RHPN2: variants seen among roughly 807,000 people sequenced by gnomAD.
RHPN2 encodes rhophilin Rho GTPase binding protein 2.
RHPN2 carries 40 observed loss-of-function variants against 79.0 expected under a neutral mutation model. The observed-to-expected ratio is 0.51, with a 90% CI of 0.39 to 0.66. The LOEUF is 0.66. Among genes scored for constraint, RHPN2 ranks in the 30% least tolerant of loss-of-function variants. The pLI, the probability that RHPN2 is intolerant of heterozygous loss-of-function variation, is 0.00. For synonymous variants in RHPN2, 285 were observed against 363.5 expected, an observed-to-expected ratio of 0.78 and a Z score of 2.46; for missense variants, 686 against 883.5, an observed-to-expected ratio of 0.78 and a Z score of 2.83.
At chr19:32,995,274 A>C (rs76148976) in intron 11 of RHPN2, among the ~76,000 whole-genome samples, 5,591 of 151,662 alleles carry the variant, frequency 0.037, 535 homozygotes, top group East Asian at 0.29. Context: ...ATGGGGTCTC[A>C]CTATGTTGCC....
At chr19:33,042,599 C>T (rs947899372) in intron 2 of RHPN2, among the ~76,000 whole-genome samples, 3 of 152,176 alleles carry the variant, frequency 2.0e-5, no homozygotes, top group Non-Finnish European at 4.4e-5. Flanking sequence ...ACAAACTTCC[C>T]ACCCAGGACC....
chr19:32,995,674 C>G (rs752011753), intron 11 of RHPN2, among the ~76,000 whole-genome samples: 28 of 152,066 alleles, frequency 1.8e-4, no homozygotes, highest in Non-Finnish European at 3.4e-4. Context: ...GCCTGGCCAA[C>G]ATGGTGAAAC....
intron 4 of RHPN2, among the ~76,000 whole-genome samples, chr19:33,019,029 C>T (rs1394278432): frequency 1.2e-5 from 1 of 83,044 alleles, no homozygotes; most frequent in East Asian, 4.1e-4. Context: ...GAAACTCCAG[C>T]TCAAAAAAAA....
chr19:33,032,808 G>GT (rs1228348297), intron 2 of RHPN2, among the ~76,000 whole-genome samples: 1 of 152,122 alleles, frequency 6.6e-6, no homozygotes, highest in African/African-American at 2.4e-5. Flanking sequence ...GATTCCTTTT[G>GT]TCTAGTGAAT....
At chr19:32,994,283 T>C (rs1476921938) in intron 11 of RHPN2, among the ~76,000 whole-genome samples, 1 of 151,520 alleles carries the variant, frequency 6.6e-6, no homozygotes, top group East Asian at 1.9e-4. Flanking sequence ...GTAATCCGAG[T>C]TACTTGGGAG....
chr19:32,983,629 C>CTTTTT (rs558224234), intron 14 of RHPN2, among the ~76,000 whole-genome samples: 1 of 126,930 alleles, frequency 7.9e-6, no homozygotes, highest in African/African-American at 3.1e-5. Context: ...TTTTAAAAGC[C>CTTTTT]TTTTTTTTTT....
Position 32,980,249 on chromosome 19 carries a change from T to A in RHPN2, c.1808A>T (p.Lys603Met), listed in dbSNP as rs771185066. The A allele has an allele frequency of 6.2e-7, 1 of 1,613,902 alleles. No individual in the cohort carries two copies. The highest frequency in any genetic ancestry group is 8.5e-7 in the Non-Finnish European group (1 of 1,179,842). ...CATTCCCACGGAGTATGTGGCACTC[T>A]TATTATGCTGCACATAGAAAAGTAA... ...LLDSTSSMHN[K>M]SATYSVGMQK... The change falls in exon 15 of 15, where the codon AAG becomes ATG. Residue 603 changes from lysine (K) to methionine (M), a missense_variant. Lys to Met is a moderately conservative substitution (Grantham distance 95). Transcript: ENST00000254260.
At chr19:33,027,763 ATGG>A (rs1470208619) in intron 2 of RHPN2, among the ~76,000 whole-genome samples, 1 of 152,132 alleles carries the variant, frequency 6.6e-6, no homozygotes, top group Non-Finnish European at 1.5e-5. Context: ...AAAAAAACAC[ATGG>A]TGACTTCAAC....
At chr19:33,037,960 T>A (rs1972071844) in intron 2 of RHPN2, among the ~76,000 whole-genome samples, 1 of 152,066 alleles carries the variant, frequency 6.6e-6, no homozygotes, top group Non-Finnish European at 1.5e-5. Flanking sequence ...CGCAGCACTC[T>A]GGGAGGCCTA....
rs1418353954 is a variant in RHPN2, at chr19:33,018,014, C to T, written c.390+3557G>A. 5.3e-5 allele frequency among the ~76,000 whole-genome samples: 8 copies of T among 152,084 alleles called. No homozygotes were observed. In the East Asian group the frequency reaches 1.2e-3, roughly 22 times the overall value. ...ACTAAAAATACAAAAATTAGCCGGG[C>T]GTGGTAGTGGGTGCCTGAAACCCCA... is the stretch of plus-strand genomic sequence containing the variant. On this transcript the variant is annotated intron_variant, in intron 4 of 14. Transcript: ENST00000254260.
rs918884736 is a variant in RHPN2, at chr19:33,064,844, G to A, written c.9C>T (p.Asp3=). Residue 3 remains aspartate (D), a synonymous_variant, in exon 1 of 15, where the codon GAC becomes GAT. Coordinates refer to ENST00000254260, the MANE Select transcript of RHPN2 (RefSeq NM_033103.5). ...GCTGGGGGGCCGCGGGCAACAGCGC[G>A]TCGGTCATGCTAGCGGCGCGGGCGC... The part of the protein sequence containing the change: MT[D]ALLPAAPQPL... 1.0e-4 allele frequency: 150 copies of A among 1,444,426 alleles called. No individual in the cohort carries two copies. The highest frequency in any genetic ancestry group is 1.3e-4 in the Non-Finnish European group (143 of 1,092,994). The allele number at this position is 1,444,426 out of a possible 1,614,324, so 89.5% of individuals were successfully genotyped here.
At chr19:33,035,259 A>C (rs962246637) in intron 2 of RHPN2, among the ~76,000 whole-genome samples, 1 of 151,970 alleles carries the variant, frequency 6.6e-6, no homozygotes. Context: ...GAGCCACCAC[A>C]CCCAGCCAAT....
chr19:33,050,527 C>G (rs1222480193), intron 1 of RHPN2, among the ~76,000 whole-genome samples: 1 of 152,180 alleles, frequency 6.6e-6, no homozygotes, highest in Non-Finnish European at 1.5e-5. Flanking sequence ...CCCCAGGCAA[C>G]CAATACTCTG....
At position 33,002,860 on chromosome 19, in the gene RHPN2, G is replaced by A. The variant is rs780839982; in HGVS notation, c.901C>T (p.Arg301Trp). The A allele has an allele frequency of 6.8e-6, 11 of 1,613,768 alleles. No homozygotes were observed. Among genetic ancestry groups the A allele is most frequent in the Admixed American group, 6.7e-5 (4 of 59,952 alleles). ...VFEKISLPGIRNEFFMLVKVA... is the reference protein window; with the variant it reads ...VFEKISLPGIWNEFFMLVKVA... Reference sequence around the variant, plus strand: ...TTCACCAGCATGAAGAATTCATTCCGGATCCCAGGAAGGCTGATTTTCTCA... The same window carrying A: ...TTCACCAGCATGAAGAATTCATTCCAGATCCCAGGAAGGCTGATTTTCTCA... The change falls in exon 8 of 15, where the codon CGG (arginine) becomes TGG (tryptophan). Residue 301 changes from arginine to tryptophan, a missense_variant. Coordinates refer to ENST00000254260, the MANE Select transcript of RHPN2 (RefSeq NM_033103.5).
chr19:32,993,541 C>G (rs1260743879), intron 12 of RHPN2, among the ~76,000 whole-genome samples: 1 of 151,746 alleles, frequency 6.6e-6, no homozygotes, highest in Admixed American at 6.6e-5. Context: ...TTGTACCCTC[C>G]CAAAGTTTGT....
chr19:33,050,822 G>A (rs1316620093), intron 1 of RHPN2, among the ~76,000 whole-genome samples: 2 of 151,964 alleles, frequency 1.3e-5, no homozygotes, highest in Non-Finnish European at 2.9e-5. Context: ...AGAATTGCAG[G>A]CACCCGCCAC....
chr19:33,018,284 G>A (rs1387575977), intron 4 of RHPN2, among the ~76,000 whole-genome samples: 1 of 151,492 alleles, frequency 6.6e-6, no homozygotes, highest in African/African-American at 2.4e-5. Context: ...AGCTGAGATC[G>A]CACCATTGCA....
intron 4 of RHPN2, among the ~76,000 whole-genome samples, chr19:33,021,362 T>A (rs546477276): frequency 6.6e-6 from 1 of 152,204 alleles, no homozygotes. Flanking sequence ...CTCCATTTTT[T>A]TTCTTTTTTT....
At chr19:33,054,653 G>C (rs1484796095) in intron 1 of RHPN2, among the ~76,000 whole-genome samples, 2 of 152,146 alleles carry the variant, frequency 1.3e-5, no homozygotes, top group African/African-American at 4.8e-5. Flanking sequence ...ACCCATTACT[G>C]CTGCTCTGCC....
Sources: gnomAD v4.1 joint callset for allele counts (sites outside exome capture counted in the v4.1 genomes callset) on GRCh38, gnomAD v4.1.1 for gene constraint, MANE v1.5 for transcripts, NCBI Gene and HGNC (gene_info 2026-07-23, HGNC 2026-07-21) for gene names.